ZFPM2: variants seen among roughly 807,000 people sequenced by gnomAD.
The protein encoded by ZFPM2 is zinc finger protein, FOG family member 2.
ZFPM2 carries 20 observed loss-of-function variants against 98.6 expected under a neutral mutation model. The ratio of observed to expected loss-of-function variants is 0.20; its 90% CI spans 0.14 to 0.29. The LOEUF is 0.29. Among genes scored for constraint, ZFPM2 ranks in the 10% least tolerant of loss-of-function variants. The probability of loss-of-function intolerance (pLI) is 1.00; values close to 1 mark genes in which losing one functional copy is unlikely to be tolerated. For synonymous variants in ZFPM2, 518 were observed against 502.7 expected (o/e 1.03, Z -0.41); for missense variants, 1,310 against 1,388.6 (o/e 0.94, Z 0.90).
intron 5 of ZFPM2, among the ~76,000 whole-genome samples, chr8:105,654,585 TTA>T (rs200631363): frequency 3.6e-5 from 5 of 139,074 alleles, no homozygotes; most frequent in African/African-American, 8.2e-5. Context: ...CTTTTTTTTT[TTA>T]AAAATGAAAG....
intron 3 of ZFPM2, among the ~76,000 whole-genome samples, chr8:105,522,415 A>G (rs1814083445): frequency 6.6e-6 from 1 of 152,210 alleles, no homozygotes; most frequent in Admixed American, 6.5e-5. Context: ...TGAGAAGTAC[A>G]ACATTGTGAT....
chr8:105,630,964 G>A (rs1380935430), intron 4 of ZFPM2, among the ~76,000 whole-genome samples: 1 of 152,198 alleles, frequency 6.6e-6, no homozygotes, highest in East Asian at 1.9e-4. Flanking sequence ...AGAAAAACCA[G>A]GATGGTTGTT....
chr8:105,727,204 A>G (rs6992301), intron 5 of ZFPM2, among the ~76,000 whole-genome samples: 68,510 of 150,620 alleles, frequency 0.45, 16,530 homozygotes, highest in African/African-American at 0.62. Context: ...AAGAGTACAC[A>G]CCCTTAGTTC....
chr8:105,650,585 C>T (rs1030487298), intron 5 of ZFPM2, among the ~76,000 whole-genome samples: 17 of 152,088 alleles, frequency 1.1e-4, no homozygotes, highest in African/African-American at 4.1e-4. Context: ...TGTCTTTGTT[C>T]TCATTGGTTT....
chr8:105,803,751 A>G lies in ZFPM2; in HGVS notation c.*213A>G, dbSNP rs190229532. 1.7e-5 allele frequency: 9 copies of G among 544,442 alleles called. No homozygotes were observed. Among genetic ancestry groups the G allele is most frequent in the Admixed American group, 3.3e-5 (1 of 29,876 alleles). 33.7% of individuals were successfully genotyped at this position (544,442 alleles called of 1,614,324 possible). A position where few individuals can be genotyped will look rare whatever the true frequency, so the allele number is the denominator to read the frequency against. On this transcript the variant is annotated 3_prime_UTR_variant, in exon 8 of 8. Transcript: ENST00000407775. ...AAAAAAATTAATTTATTTTACCAGC[A>G]GTATTCATAGCTGTGGTTATGTTAT... is the stretch of plus-strand genomic sequence containing the variant.
rs1309024071 is a variant in ZFPM2 at position 105,519,811 on chromosome 8, A to G, written c.302-41552A>G. Among the ~76,000 whole-genome samples the G allele has an allele frequency of 2.0e-5, 3 of 151,384 alleles. No individual in the cohort carries two copies. In the East Asian group the frequency reaches 5.8e-4, roughly 29 times the overall value. ...TGATGGCCTGGATTTTTTTTTTTTA[A>G]TGTGTTCTCCAGAATTCACTCAGGA... On this transcript the variant is annotated intron_variant, in intron 3 of 7. Transcript: ENST00000407775.
intron 1 of ZFPM2, among the ~76,000 whole-genome samples, chr8:105,375,974 A>G (rs1409648583): frequency 6.6e-6 from 1 of 152,120 alleles, no homozygotes; most frequent in African/African-American, 2.4e-5. Flanking sequence ...CCACTTCTCT[A>G]TGCCCTATTT....
chr8:105,651,640 A>G, intron 5 of ZFPM2, among the ~76,000 whole-genome samples: 1 of 152,116 alleles, frequency 6.6e-6, no homozygotes, highest in East Asian at 1.9e-4. Flanking sequence ...CCCCATAAGA[A>G]GAAAGATCCA....
At chr8:105,676,064 A>G (rs183944595) in intron 5 of ZFPM2, 1 of 152,154 alleles carries the variant, frequency 6.6e-6, no homozygotes, top group African/African-American at 2.4e-5. Context: ...GCCAGATGCC[A>G]TTGCATCTTT....
intron 5 of ZFPM2, among the ~76,000 whole-genome samples, chr8:105,696,104 A>G (rs985435952): frequency 1.3e-5 from 2 of 152,298 alleles, no homozygotes; most frequent in East Asian, 1.9e-4. Flanking sequence ...AACAGTAGGC[A>G]CACATGGATC....
At chr8:105,646,698 A>G (rs756909879) in intron 5 of ZFPM2, among the ~76,000 whole-genome samples, 1 of 151,992 alleles carries the variant, frequency 6.6e-6, no homozygotes, top group Non-Finnish European at 1.5e-5. Flanking sequence ...TAATACTTTG[A>G]TCTCAGCATG....
intron 1 of ZFPM2, among the ~76,000 whole-genome samples, chr8:105,385,229 T>C (rs1227069915): frequency 6.6e-6 from 1 of 152,228 alleles, no homozygotes; most frequent in Non-Finnish European, 1.5e-5. Context: ...AAGTCATCTT[T>C]GACATTCGTT....
chr8:105,588,160 A>G (rs2130758185), intron 4 of ZFPM2, among the ~76,000 whole-genome samples: 1 of 152,288 alleles, frequency 6.6e-6, no homozygotes, highest in African/African-American at 2.4e-5. Context: ...ATCTTGCAAA[A>G]TATATAAGCA....
intron 5 of ZFPM2, among the ~76,000 whole-genome samples, chr8:105,680,398 G>T (rs1396191262): frequency 3.3e-5 from 5 of 152,104 alleles, no homozygotes; most frequent in Non-Finnish European, 7.4e-5. Context: ...GAACTGAGCT[G>T]CTCTCCGTTC....
intron 1 of ZFPM2, among the ~76,000 whole-genome samples, chr8:105,325,917 A>C (rs1251897241): frequency 6.6e-6 from 1 of 151,812 alleles, no homozygotes; most frequent in Non-Finnish European, 1.5e-5. Flanking sequence ...TCAAGATTTC[A>C]CATGTTAAAA....
intron 3 of ZFPM2, among the ~76,000 whole-genome samples, chr8:105,469,834 A>G (rs1055398980): frequency 1.3e-5 from 2 of 152,224 alleles, no homozygotes; most frequent in Non-Finnish European, 1.5e-5. Flanking sequence ...AATTTGCCCA[A>G]TATCACAAAG....
chr8:105,541,857 G>A (rs1209837533), intron 3 of ZFPM2, among the ~76,000 whole-genome samples: 2 of 152,018 alleles, frequency 1.3e-5, no homozygotes, highest in Non-Finnish European at 2.9e-5. Flanking sequence ...AAAAGGAACA[G>A]ATGAGAAAAT....
intron 2 of ZFPM2, among the ~76,000 whole-genome samples, chr8:105,421,058 T>C (rs1811783034): frequency 6.6e-6 from 1 of 152,104 alleles, no homozygotes; most frequent in Admixed American, 6.5e-5. Context: ...AAGGTAGTAA[T>C]TTCCTGGGAG....
chr8:105,436,623 A>G (rs1812124988), intron 2 of ZFPM2, among the ~76,000 whole-genome samples: 1 of 152,170 alleles, frequency 6.6e-6, no homozygotes, highest in Non-Finnish European at 1.5e-5. Context: ...CTTGCCATGT[A>G]GTCGACTTTG....
Sources: allele counts gnomAD v4.1 joint callset (sites outside exome capture counted in the v4.1 genomes callset), GRCh38; gene constraint gnomAD v4.1.1; transcripts MANE v1.5; gene names NCBI Gene and HGNC (gene_info 2026-07-23, HGNC 2026-07-21).